Variants in MALRD1 observed in about 807,000 individuals in gnomAD.
The protein encoded by MALRD1 is MAM and LDL receptor class A domain containing 1, also known as MAM and LDL-receptor class A domain-containing protein 1.
MALRD1 carries 247 observed loss-of-function variants against 242.1 expected under a neutral mutation model. The ratio of observed to expected loss-of-function variants is 1.02; its 90% confidence interval spans 0.92 to 1.13. The LOEUF (loss-of-function observed/expected upper bound fraction) is 1.13. Among genes scored for constraint, MALRD1 ranks in the 50% most tolerant of loss-of-function variants. MALRD1 has a pLI of 0.00. For synonymous variants in MALRD1, 995 were observed against 866.6 expected (o/e 1.15, Z -2.60); for missense variants, 2,989 against 2,533.1 (o/e 1.18, Z -3.86).
At chr10:19,548,643 A>G (rs1398407326) in intron 32 of MALRD1, among the ~76,000 whole-genome samples, 1 of 152,062 alleles carries the variant, frequency 6.6e-6, no homozygotes, top group Non-Finnish European at 1.5e-5. Context: ...GGTGTTATGA[A>G]CTGTAATATA....
At chr10:19,239,991 G>A (rs147048267) in intron 18 of MALRD1, among the ~76,000 whole-genome samples, 1 of 152,072 alleles carries the variant, frequency 6.6e-6, no homozygotes, top group East Asian at 1.9e-4. Context: ...GGCCTTTTCT[G>A]GTTTCATACA....
chr10:19,544,983 A>G (rs7905334), intron 32 of MALRD1, among the ~76,000 whole-genome samples: 2,263 of 152,276 alleles, frequency 0.015, 55 homozygotes, highest in African/African-American at 0.052. Flanking sequence ...CCATAACAAG[A>G]TACCATGACT....
chr10:19,603,340 G>A (rs1257907220), intron 34 of MALRD1, among the ~76,000 whole-genome samples: 2 of 152,124 alleles, frequency 1.3e-5, no homozygotes, highest in Non-Finnish European at 2.9e-5. Flanking sequence ...TAACATTTAC[G>A]TCTTTAGTCC....
chr10:19,119,128 A>G (rs1836974486), intron 5 of MALRD1, among the ~76,000 whole-genome samples: 1 of 152,154 alleles, frequency 6.6e-6, no homozygotes, highest in African/African-American at 2.4e-5. Context: ...GATGGATTGC[A>G]TGTTTGGTGA....
rs114909542 is a variant in MALRD1, at chr10:19,307,040, G to T, written c.3420-16909G>T. Among the ~76,000 whole-genome samples, 1,174 of 151,584 alleles carry T rather than the reference G, an allele frequency of 7.7e-3. 9 individuals are homozygous for T. Among genetic ancestry groups the T allele is most frequent in the African/African-American group, 0.027 (1,126 of 41,400 alleles). ...ACCATCAAATCATGCTGAACAGAGG[G>T]TATATGACAGAGACCTTGGAATTGT... is the stretch of plus-strand genomic sequence containing the variant. On this transcript the variant is annotated intron_variant, in intron 21 of 39. Coordinates refer to ENST00000454679, the MANE Select transcript of MALRD1 (RefSeq NM_001142308.3).
intron 33 of MALRD1, among the ~76,000 whole-genome samples, chr10:19,588,146 GA>G (rs200155754): frequency 3.3e-5 from 5 of 151,838 alleles, no homozygotes; most frequent in African/African-American, 9.7e-5. Flanking sequence ...AAATATATTC[GA>G]AAATTTTTTT....
chr10:19,239,870 T>C (rs1300500484), intron 18 of MALRD1, among the ~76,000 whole-genome samples: 1 of 152,186 alleles, frequency 6.6e-6, no homozygotes, highest in Non-Finnish European at 1.5e-5. Flanking sequence ...GTTTGCTTTA[T>C]GGCAGTGCCA....
chr10:19,143,988 T>G (rs1044903169), intron 10 of MALRD1, among the ~76,000 whole-genome samples: 2 of 152,198 alleles, frequency 1.3e-5, no homozygotes, highest in African/African-American at 4.8e-5. Flanking sequence ...TCCTATAAAT[T>G]ATGTAGACAC....
intron 28 of MALRD1, among the ~76,000 whole-genome samples, chr10:19,421,483 T>A (rs1833717736): frequency 6.6e-6 from 1 of 152,182 alleles, no homozygotes; most frequent in African/African-American, 2.4e-5. Context: ...GAAGTAAGTA[T>A]GAGGCATTAC....
At chr10:19,422,668 T>G (rs763612887) in intron 28 of MALRD1, among the ~76,000 whole-genome samples, 12 of 152,174 alleles carry the variant, frequency 7.9e-5, no homozygotes, top group Non-Finnish European at 1.8e-4. Flanking sequence ...GTAAAGTAAT[T>G]ACTATATTAT....
intron 12 of MALRD1, among the ~76,000 whole-genome samples, chr10:19,164,742 G>A (rs779972275): frequency 2.0e-5 from 3 of 152,158 alleles, no homozygotes; most frequent in African/African-American, 4.8e-5. Flanking sequence ...ATAACAGTAC[G>A]CAATTTCATG....
At chr10:19,640,076 T>A (rs1219940946) in intron 36 of MALRD1, among the ~76,000 whole-genome samples, 2 of 152,030 alleles carry the variant, frequency 1.3e-5, no homozygotes, top group Non-Finnish European at 2.9e-5. Context: ...GGATGCTTCA[T>A]TGTCTTCTTT....
chr10:19,613,287 C>T (rs1838986764), intron 35 of MALRD1, among the ~76,000 whole-genome samples: 1 of 151,984 alleles, frequency 6.6e-6, no homozygotes, highest in South Asian at 2.1e-4. Context: ...GAGGTTCAGA[C>T]CTGCAAATTC....
chr10:19,116,620 CTGTT>C (rs1352172597), intron 5 of MALRD1, among the ~76,000 whole-genome samples: 1 of 152,110 alleles, frequency 6.6e-6, no homozygotes. Flanking sequence ...TTCATTTAAT[CTGTT>C]TGTGCAAGAT....
chr10:19,658,235 T>TC (rs1343375456), intron 36 of MALRD1, among the ~76,000 whole-genome samples: 28 of 152,180 alleles, frequency 1.8e-4, no homozygotes, highest in African/African-American at 6.3e-4. Context: ...ATTCATTAAG[T>TC]CTACACATCT....
chr10:19,527,733 A>G (rs1025492598), intron 31 of MALRD1, among the ~76,000 whole-genome samples: 2 of 152,208 alleles, frequency 1.3e-5, no homozygotes, highest in Non-Finnish European at 2.9e-5. Flanking sequence ...TATAGGATGA[A>G]TATATTCCAT....
chr10:19,284,319 T>C (rs1185331572), intron 21 of MALRD1, among the ~76,000 whole-genome samples: 5 of 151,656 alleles, frequency 3.3e-5, no homozygotes, highest in Non-Finnish European at 7.4e-5. Context: ...GTTACATATG[T>C]ATACATGTGC....
chr10:19,143,303 G>T (rs1833613737), intron 10 of MALRD1, among the ~76,000 whole-genome samples: 1 of 152,234 alleles, frequency 6.6e-6, no homozygotes, highest in African/African-American at 2.4e-5. Context: ...ATTATGAAGA[G>T]TCTGGGTGAG....
chr10:19,711,739 C>A (rs755682908), intron 38 of MALRD1, among the ~76,000 whole-genome samples: 1 of 152,176 alleles, frequency 6.6e-6, no homozygotes, highest in Non-Finnish European at 1.5e-5. Flanking sequence ...TTGGTCTAGG[C>A]CCTGCTGCTT....
Sources: gnomAD v4.1 joint callset for allele counts (sites outside exome capture counted in the v4.1 genomes callset) on GRCh38, gnomAD v4.1.1 for gene constraint, MANE v1.5 for transcripts, NCBI Gene and HGNC (gene_info 2026-07-23, HGNC 2026-07-21) for gene names.